Variants in GRB14 observed in about 807,000 individuals in gnomAD.
GRB14 encodes growth factor receptor bound protein 14.
GRB14 carries 38 observed loss-of-function variants against 69.1 expected under a neutral mutation model. The observed-to-expected ratio is 0.55, with a 90% confidence interval of 0.42 to 0.72. The LOEUF is 0.72. Ranked by LOEUF, GRB14 falls within the 30% of genes least tolerant of loss-of-function variation. GRB14 has a pLI of 0.00. For missense variants in GRB14, 666 were observed against 666.1 expected, an observed-to-expected ratio of 1.00 and a Z score of 0.00; for synonymous variants, 247 against 241.3, an observed-to-expected ratio of 1.02 and a Z score of -0.22.
At chr2:164,581,886 G>A (rs74826391) in intron 2 of GRB14, among the ~76,000 whole-genome samples, 3,500 of 152,142 alleles carry the variant, frequency 0.023, 131 homozygotes, top group African/African-American at 0.08. Flanking sequence ...TTTCCCTCCA[G>A]CTAAATTATC....
At chr2:164,609,982 C>T (rs918813340) in intron 2 of GRB14, among the ~76,000 whole-genome samples, 5 of 152,120 alleles carry the variant, frequency 3.3e-5, no homozygotes, top group Non-Finnish European at 7.4e-5. Flanking sequence ...TGATTAATCA[C>T]TAAAGGAAGC....
At chr2:164,618,661 T>C (rs954459013) in intron 2 of GRB14, among the ~76,000 whole-genome samples, 4 of 152,184 alleles carry the variant, frequency 2.6e-5, no homozygotes, top group Non-Finnish European at 4.4e-5. Flanking sequence ...TTTCCTACTG[T>C]CTCTATCATT....
intron 2 of GRB14, among the ~76,000 whole-genome samples, chr2:164,577,442 G>A (rs1393215487): frequency 6.6e-6 from 1 of 152,210 alleles, no homozygotes; most frequent in African/African-American, 2.4e-5. Context: ...GTTCTCATGA[G>A]ATCTGGTTGT....
At chr2:164,568,285 A>T in intron 2 of GRB14, 1 of 1,262,198 alleles carries the variant, frequency 7.9e-7, no homozygotes, top group Non-Finnish European at 1.0e-6. Flanking sequence ...AAGAAAAATT[A>T]AAGAAAAAAA....
Position 164,492,894 on chromosome 2 carries a change from C to A in GRB14, c.*142G>T, listed in dbSNP as rs112386287. ...GTCAATCCAAGTCTTTGCTTATTTG[C>A]AATGCACAAACTATTTTTTTGTAAC... On this transcript the variant is annotated 3_prime_UTR_variant, in exon 14 of 14. Coordinates refer to ENST00000263915, the MANE Select transcript of GRB14 (RefSeq NM_004490.3). 1.7e-3 allele frequency: 1,095 copies of A among 637,018 alleles called. 12 individuals carry two copies. In the African/African-American group the frequency reaches 0.017, roughly 10 times the overall value. The allele number at this position is 637,018 out of a possible 1,614,324, so 39.5% of individuals were successfully genotyped here. A position where few individuals can be genotyped will look rare whatever the true frequency, so the allele number is the denominator to read the frequency against.
rs558404033 is a variant in GRB14, at chr2:164,549,558, T to C, written c.325-1742A>G. Among the ~76,000 whole-genome samples, 56 of 152,208 alleles carry C rather than the reference T, an allele frequency of 3.7e-4. 1 individual carries two copies. In the South Asian group the frequency reaches 0.011, roughly 30 times the overall value. On this transcript the variant is annotated intron_variant, in intron 2 of 13. Transcript: ENST00000263915. ...CCACCACTTTGGTCTATGAAAAAGC[T>C]ATGTATCTCTTATCAATATTATAGC... is the stretch of plus-strand genomic sequence containing the variant.
chr2:164,589,773 T>A (rs972735475), intron 2 of GRB14, among the ~76,000 whole-genome samples: 7 of 152,146 alleles, frequency 4.6e-5, no homozygotes, highest in African/African-American at 1.7e-4. Flanking sequence ...ATTCCAAGAA[T>A]AACCTTGTCT....
At chr2:164,611,589 G>A (rs1177759482) in intron 2 of GRB14, among the ~76,000 whole-genome samples, 1 of 150,560 alleles carries the variant, frequency 6.6e-6, no homozygotes, top group African/African-American at 2.4e-5. Flanking sequence ...GGCCTCAAGT[G>A]GTCACATCTT....
rs185352414 is a variant in GRB14 at position 164,614,162 on chromosome 2, A to C, written c.324+5525T>G. On this transcript the variant is annotated intron_variant, in intron 2 of 13. Transcript: ENST00000263915. ...GATCTGCACGCTTTCAAATTCTCCC[A>C]AAAAATTATATTCATCAAGTGACAG... is the stretch of plus-strand genomic sequence containing the variant. Among the ~76,000 whole-genome samples, 223 of 146,138 alleles carry C rather than the reference A, an allele frequency of 1.5e-3. 3 individuals carry two copies. The East Asian group carries it at 0.039, about 25-fold the overall frequency.
intron 2 of GRB14, among the ~76,000 whole-genome samples, chr2:164,582,783 A>G (rs1689447364): frequency 6.6e-6 from 1 of 152,138 alleles, no homozygotes; most frequent in Non-Finnish European, 1.5e-5. Context: ...CCATAACCTA[A>G]TATCTTCCCT....
At chr2:164,572,411 G>A (rs946657525) in intron 2 of GRB14, among the ~76,000 whole-genome samples, 4 of 152,126 alleles carry the variant, frequency 2.6e-5, no homozygotes, top group Non-Finnish European at 4.4e-5. Flanking sequence ...CACCTCTTCT[G>A]AAAATTTCAC....
intron 2 of GRB14, among the ~76,000 whole-genome samples, chr2:164,548,458 G>A (rs566192633): frequency 9.9e-4 from 150 of 152,056 alleles, no homozygotes; most frequent in Non-Finnish European, 1.8e-3. Context: ...CCCATCAGTG[G>A]GACATGGTAC....
intron 2 of GRB14, among the ~76,000 whole-genome samples, chr2:164,570,398 T>C (rs1055917207): frequency 2.0e-5 from 3 of 151,948 alleles, no homozygotes; most frequent in Non-Finnish European, 4.4e-5. Flanking sequence ...TGCCAAACCC[T>C]GTATCAGGCA....
intron 2 of GRB14, among the ~76,000 whole-genome samples, chr2:164,609,747 G>C (rs1450960771): frequency 6.6e-6 from 1 of 152,142 alleles, no homozygotes; most frequent in Non-Finnish European, 1.5e-5. Flanking sequence ...CTCTTAAGAA[G>C]TTATCCCTCA....
rs1467116446 is a variant in GRB14, at chr2:164,497,291, AG to A, written c.1222-9del. 2 of 1,611,488 alleles carry A rather than the reference AG, an allele frequency of 1.2e-6. No individual in the cohort carries two copies. Among genetic ancestry groups the A allele is most frequent in the South Asian group, 2.2e-5 (2 of 90,596 alleles). The stretch of plus-strand genomic sequence containing the variant: ...GCGTAAACATCCTTTTTTCTGAGCA[AG>A]GAAGGAGAAAACAAATCTCAAGTTT... On this transcript the variant is annotated splice_polypyrimidine_tract_variant and intron_variant, in intron 10 of 13. Transcript: ENST00000263915.
chr2:164,568,295 A>G, intron 2 of GRB14: 1 of 1,272,422 alleles, frequency 7.9e-7, no homozygotes, highest in South Asian at 1.3e-5. Flanking sequence ...AAAGAAAAAA[A>G]GGATAAAGAA....
intron 2 of GRB14, among the ~76,000 whole-genome samples, chr2:164,558,549 G>A (rs1357477624): frequency 6.6e-6 from 1 of 152,186 alleles, no homozygotes; most frequent in Non-Finnish European, 1.5e-5. Flanking sequence ...TGAAGTTTCA[G>A]TGTTTTTAAT....
chr2:164,571,656 G>C (rs1292860288), intron 2 of GRB14, among the ~76,000 whole-genome samples: 3 of 152,128 alleles, frequency 2.0e-5, no homozygotes, highest in Non-Finnish European at 4.4e-5. Flanking sequence ...CACTGAGCTA[G>C]TTTTCACTTA....
At chr2:164,535,210 G>A (rs1455725560) in intron 3 of GRB14, among the ~76,000 whole-genome samples, 1 of 151,764 alleles carries the variant, frequency 6.6e-6, no homozygotes. Context: ...AGGTCTTATG[G>A]TAATAAAAAG....
Sources: allele counts gnomAD v4.1 joint callset (sites outside exome capture counted in the v4.1 genomes callset), GRCh38; gene constraint gnomAD v4.1.1; transcripts MANE v1.5; gene names NCBI Gene and HGNC (gene_info 2026-07-23, HGNC 2026-07-21).